Variants in TUBGCP5 observed in about 807,000 individuals in gnomAD.
The protein encoded by TUBGCP5 is gamma-tubulin complex component 5.
In TUBGCP5, 98 loss-of-function variants were observed where a neutral mutation model predicts 134.7. The ratio of observed to expected loss-of-function variants is 0.73; its 90% CI spans 0.62 to 0.86. The LOEUF is 0.86. Among genes scored for constraint, TUBGCP5 ranks in the 40% least tolerant of loss-of-function variants. The probability of loss-of-function intolerance (pLI) is 0.00; values close to 1 mark genes in which losing one functional copy is unlikely to be tolerated. For missense variants in TUBGCP5, 1,150 were observed against 1,244.8 expected (o/e 0.92, Z 1.15); for synonymous variants, 456 against 431.4 (o/e 1.06, Z -0.71).
At chr15:23,011,368 C>CTGTGT in intron 13 of TUBGCP5, 37 bp from the exon 14 acceptor site, 1 of 1,492,328 alleles carries the variant, frequency 6.7e-7, no homozygotes. Context: ...GAACTAAGTT[C>CTGTGT]TGTTTAATCA....
intron 3 of TUBGCP5, 31 bp downstream of exon 3, chr15:23,036,866 C>T (rs2066618184): frequency 7.4e-7 from 1 of 1,343,116 alleles, no homozygotes; most frequent in South Asian, 1.2e-5. Context: ...CAGTAAAATA[C>T]ACAGTGGAGA....
intron 1 of TUBGCP5, among the ~76,000 whole-genome samples, chr15:23,039,017 A>C: frequency 6.8e-6 from 1 of 147,208 alleles, no homozygotes; most frequent in East Asian, 2.1e-4. Flanking sequence ...CAGTGAGAAT[A>C]CAATCTCTTT....
At chr15:23,012,545 T>C (rs1257748985) in intron 13 of TUBGCP5, among the ~76,000 whole-genome samples, 1 of 152,122 alleles carries the variant, frequency 6.6e-6, no homozygotes, top group Admixed American at 6.5e-5. Flanking sequence ...TAGTGGGGAA[T>C]TACAGGCCCA....
chr15:23,004,514 A>G, intron 19 of TUBGCP5: 1 of 377,066 alleles, frequency 2.7e-6, no homozygotes, highest in South Asian at 3.8e-5. Context: ...GGGCAAGCAC[A>G]TTAAGCTGTA....
In TUBGCP5 at chr15:23,022,081, T is replaced by C. The variant is rs1243075168; in HGVS notation, c.1249A>G (p.Ser417Gly). 1 of 1,614,210 alleles carries C rather than the reference T, an allele frequency of 6.2e-7. No homozygotes were observed. The highest frequency in any genetic ancestry group is 1.1e-5 in the South Asian group (1 of 91,090). The change falls in exon 11 of 23, where the codon AGT becomes GGT. Residue 417 changes from serine to glycine, a missense_variant. By Grantham distance (56) the Ser-to-Gly change is moderately conservative. This residue lies in a region of TUBGCP5 where 697 missense variants were observed against 850.1 expected (regional missense o/e 0.82). Transcript: ENST00000615383. Reference protein sequence around the residue: ...SQLKVLHKVFSTGVAEVPPDT... With the variant: ...SQLKVLHKVFGTGVAEVPPDT... The stretch of plus-strand genomic sequence containing the variant: ...GGTGGAACTTCTGCTACTCCAGTAC[T>C]AAACACTTTGTGCAGAACCTTGAGC...
intron 5 of TUBGCP5, 99 bp from the exon 6 acceptor site, chr15:23,031,119 T>C (rs531225824): frequency 3.9e-6 from 5 of 1,283,712 alleles, no homozygotes; most frequent in Middle Eastern, 2.3e-4. Context: ...AGCAAAAACT[T>C]TGAAGCAACA....
intron 11 of TUBGCP5, 176 bp from the exon 12 acceptor site, chr15:23,019,510 C>A (rs1595874248): frequency 1.7e-6 from 1 of 582,172 alleles, no homozygotes; most frequent in Non-Finnish European, 3.1e-6. Flanking sequence ...GAAAAACTCA[C>A]CTAAATGCCG....
chr15:23,027,351 T>C (rs2066038168), intron 6 of TUBGCP5, 45 bp from the exon 7 acceptor site: 1 of 1,515,610 alleles, frequency 6.6e-7, no homozygotes, highest in Non-Finnish European at 9.2e-7. Context: ...AACAACAAAA[T>C]ACTGGGTCAC....
chr15:23,036,322 C>T (rs548313691), intron 3 of TUBGCP5, among the ~76,000 whole-genome samples: 21 of 152,324 alleles, frequency 1.4e-4, no homozygotes, highest in African/African-American at 4.1e-4. Flanking sequence ...GAATTAACTG[C>T]ATCCCCAGGT....
chr15:23,004,080 C>G, intron 20 of TUBGCP5, 22 bp downstream of exon 20: 1 of 1,599,482 alleles, frequency 6.3e-7, no homozygotes, highest in Non-Finnish European at 8.5e-7. Flanking sequence ...GTGGCCACAT[C>G]TGCAGGAGAC....
intron 23 of TUBGCP5, among the ~76,000 whole-genome samples, chr15:22,987,336 CAAAA>C (rs34835716): frequency 6.4e-5 from 8 of 125,434 alleles, no homozygotes; most frequent in Non-Finnish European, 8.6e-5. Flanking sequence ...AACTCCATCT[CAAAA>C]AAAAAAAAAA....
intron 11 of TUBGCP5, among the ~76,000 whole-genome samples, chr15:23,020,584 C>CAAAAAAAAAAAAAAAAAAAAAAAAA (rs542905350): frequency 1.3e-5 from 1 of 76,238 alleles, no homozygotes. Context: ...GACTACGTCT[C>CAAAAAAAAAAAAAAAAAAAAAAAAA]AAAAAAAAAA....
chr15:23,031,872 G>T (rs1287138893), intron 5 of TUBGCP5, 78 bp downstream of exon 5: 2 of 1,091,044 alleles, frequency 1.8e-6, no homozygotes, highest in Admixed American at 2.1e-5. Context: ...GTTGACCTAG[G>T]GTGGAAAGAC....
At chr15:23,008,026 T>C (rs961481762) in intron 16 of TUBGCP5, among the ~76,000 whole-genome samples, 1 of 152,106 alleles carries the variant, frequency 6.6e-6, no homozygotes, top group Non-Finnish European at 1.5e-5. Flanking sequence ...ACTCCAGCCA[T>C]GTGAAGGAGG....
chr15:23,032,479 G>A (rs2066367560), intron 4 of TUBGCP5, among the ~76,000 whole-genome samples: 1 of 152,036 alleles, frequency 6.6e-6, no homozygotes, highest in African/African-American at 2.4e-5. Context: ...TTAGACTGTT[G>A]TATTATTATT....
chr15:23,005,496 A>T lies in TUBGCP5; in HGVS notation c.2648T>A (p.Met883Lys), dbSNP rs2064652262. The change falls in exon 19 of 23, where the codon ATG (methionine) becomes AAG (lysine). Residue 883 changes from methionine to lysine, a missense_variant. Met to Lys is a moderately conservative substitution (Grantham distance 95, BLOSUM62 -1). This residue lies in a region of TUBGCP5 where 697 missense variants were observed against 850.1 expected (regional missense o/e 0.82). Transcript: ENST00000615383. ...KEPVRQQIHR[M>K]FLLRVKLMHF... ...CATGAGCTTCACTCTTAAGAGGAAC[A>T]TGCGATGAATCTGCTGTCTTACTGG... 6.2e-7 allele frequency: 1 copy of T among 1,614,092 alleles called. No homozygotes were observed.
At chr15:23,016,961 A>C (rs1180614297) in intron 13 of TUBGCP5, among the ~76,000 whole-genome samples, 1 of 69,394 alleles carries the variant, frequency 1.4e-5, no homozygotes, top group African/African-American at 7.2e-5. Flanking sequence ...TGGGTAAAAA[A>C]ATTGTGAGAT....
chr15:23,030,903 G>C lies in TUBGCP5; in HGVS notation c.604C>G (p.Pro202Ala), dbSNP rs775382508. ...EEQDQNRKLD[P>A]CISWKDEPDD... Reference sequence around the variant, plus strand: ...ATAATACCTTTCCAACTGATACAAGGATCCAGTTTTCTGTTTTGATCTTGT... The same window carrying C: ...ATAATACCTTTCCAACTGATACAAGCATCCAGTTTTCTGTTTTGATCTTGT... Residue 202 changes from proline (P) to alanine (A), a missense_variant, in exon 6 of 23, where the codon CCT becomes GCT. Physicochemically the swap from Pro to Ala is conservative, Grantham distance 27. Around this residue, in one of 2 missense-constraint regions of TUBGCP5, gnomAD observed 453 missense variants for 394.7 expected, o/e 1.15. Coordinates refer to ENST00000615383, the MANE Select transcript of TUBGCP5 (RefSeq NM_052903.6). 1.1e-5 allele frequency: 17 copies of C among 1,612,056 alleles called. No individual in the cohort carries two copies. The Admixed American group carries it at 1.2e-4, about 11-fold the overall frequency.
chr15:23,009,893 C>T (rs1216341221), intron 15 of TUBGCP5, 52 bp downstream of exon 15: 2 of 1,529,934 alleles, frequency 1.3e-6, no homozygotes, highest in African/African-American at 1.4e-5. Flanking sequence ...CTCAACTGTT[C>T]TTCAAGTACA....
Sources: gnomAD v4.1 joint callset for allele counts (sites outside exome capture counted in the v4.1 genomes callset) on GRCh38, gnomAD v4.1.1 for gene constraint, gnomAD v4.1.1 regional missense constraint, MANE v1.5 for transcripts, NCBI Gene and HGNC (gene_info 2026-07-23, HGNC 2026-07-21) for gene names.